The following ANO1 variants were observed in gnomAD, a reference collection of about 807,000 sequenced individuals.
ANO1 encodes anoctamin-1.
In ANO1, 59 loss-of-function variants were observed where a neutral mutation model predicts 124.0. The observed-to-expected ratio is 0.48, with a 90% CI of 0.39 to 0.59. The LOEUF (loss-of-function observed/expected upper bound fraction) is 0.59. Ranked by LOEUF, ANO1 falls within the 20% of genes least tolerant of loss-of-function variation. The pLI is 0.00. For synonymous variants in ANO1, 529 were observed against 532.0 expected (o/e 0.99, Z 0.08); for missense variants, 1,059 against 1,328.0 (o/e 0.80, Z 3.15).
At chr11:70,089,627 G>A (rs1316350369) in intron 2 of ANO1, among the ~76,000 whole-genome samples, 2 of 152,144 alleles carry the variant, frequency 1.3e-5, no homozygotes, top group Admixed American at 6.5e-5. Flanking sequence ...GGGCAGGTGA[G>A]GAGCCTTACA....
At position 70,188,293 on chromosome 11, in the gene ANO1, G is replaced by T. The variant is rs1437713317; in HGVS notation, c.*289G>T. On this transcript the variant is annotated 3_prime_UTR_variant, in exon 26 of 26. Coordinates refer to ENST00000355303, the MANE Select transcript of ANO1 (RefSeq NM_018043.7). The stretch of plus-strand genomic sequence containing the variant: ...AGGTAGCAAAGGCAGGTGCTTTGCA[G>T]AAAGAATGCTTGGAAACTTGAGTCT... The T allele has an allele frequency of 4.3e-6, 2 of 462,336 alleles. No individual in the cohort carries two copies. Among genetic ancestry groups the T allele is most frequent in the East Asian group, 7.8e-5 (2 of 25,728 alleles). 28.6% of individuals were successfully genotyped at this position (462,336 alleles called of 1,614,324 possible).
intron 1 of ANO1, among the ~76,000 whole-genome samples, chr11:70,042,603 T>C (rs1186793978): frequency 3.3e-5 from 5 of 152,098 alleles, no homozygotes; most frequent in African/African-American, 1.2e-4. Context: ...AGTCTTTGGC[T>C]GAGTACTAAT....
chr11:70,091,872 G>A (rs1269605735), intron 2 of ANO1, among the ~76,000 whole-genome samples: 1 of 152,206 alleles, frequency 6.6e-6, no homozygotes, highest in African/African-American at 2.4e-5. Context: ...GACATCTTGT[G>A]ACAACCTGGC....
At chr11:69,970,871 A>T in the ANO1 span, among the ~76,000 whole-genome samples, 1 of 152,128 alleles carries the variant, frequency 6.6e-6, no homozygotes, top group Non-Finnish European at 1.5e-5. Flanking sequence ...GTGGCCCAAG[A>T]TGGCTGCTTG....
At chr11:70,175,091 G>T (rs187987756) in intron 22 of ANO1, among the ~76,000 whole-genome samples, 1 of 151,746 alleles carries the variant, frequency 6.6e-6, no homozygotes, top group African/African-American at 2.4e-5. Context: ...GCTGTCCCCA[G>T]ACAGTGGCTG....
In ANO1 at chr11:70,020,191, T is replaced by C. The variant is rs924152803; in HGVS notation, c.58+34025T>C. Among the ~76,000 whole-genome samples the C allele has an allele frequency of 5.3e-5, 8 of 152,178 alleles. No individual in the cohort carries two copies. In the East Asian group the frequency reaches 5.8e-4, roughly 11 times the overall value. On this transcript the variant is annotated intron_variant, in intron 1 of 27. Coordinates refer to the ANO1 transcript ENST00000531349. Reference sequence around the variant, plus strand: ...CCATGGGGTAATGAAAACATCCAAATTGGACCCCATGAGCACATGTGTCTG... The same window carrying C: ...CCATGGGGTAATGAAAACATCCAAACTGGACCCCATGAGCACATGTGTCTG...
At chr11:70,014,432 C>T (rs182744102) in intron 1 of ANO1, among the ~76,000 whole-genome samples, 3 of 152,254 alleles carry the variant, frequency 2.0e-5, no homozygotes, top group Admixed American at 2.0e-4. Context: ...ACTCCTTTCC[C>T]GCAAGCCCTC....
intron 1 of ANO1, among the ~76,000 whole-genome samples, chr11:69,986,497 C>G (rs1273009337): frequency 2.0e-5 from 3 of 152,146 alleles, no homozygotes; most frequent in Non-Finnish European, 2.9e-5. Context: ...TAGGCCGGCC[C>G]AGGCTGTTCC....
intron 22 of ANO1, among the ~76,000 whole-genome samples, chr11:70,178,090 C>T (rs1360313451): frequency 6.6e-6 from 1 of 152,146 alleles, no homozygotes; most frequent in African/African-American, 2.4e-5. Context: ...CAAACATTTA[C>T]CCAGCAGCAC....
chr11:69,995,289 G>A (rs1404564098), intron 1 of ANO1, among the ~76,000 whole-genome samples: 1 of 151,850 alleles, frequency 6.6e-6, no homozygotes, highest in Non-Finnish European at 1.5e-5. Context: ...AGTAGAGATG[G>A]GCTTTCACCA....
the ANO1 span, among the ~76,000 whole-genome samples, chr11:69,977,662 G>A: frequency 5.2e-3 from 789 of 152,338 alleles, 7 homozygotes; most frequent in African/African-American, 0.018. Context: ...TCCCTGCCAG[G>A]GTGGCCTGGG....
chr11:70,125,948 A>C, intron 9 of ANO1, 113 bp from the exon 10 acceptor site: 1 of 1,329,250 alleles, frequency 7.5e-7, no homozygotes, highest in Non-Finnish European at 1.0e-6. Context: ...TTCTGGGATG[A>C]GGGAACCAGT....
chr11:70,072,799 G>T (rs1015002513), intron 1 of ANO1: 1 of 152,330 alleles, frequency 6.6e-6, no homozygotes, highest in South Asian at 2.1e-4. Flanking sequence ...CTCTCATGGG[G>T]TTCTTGTACT....
At chr11:70,016,010 C>A (rs1294776053) in intron 1 of ANO1, among the ~76,000 whole-genome samples, 3 of 146,896 alleles carry the variant, frequency 2.0e-5, no homozygotes, top group African/African-American at 7.5e-5. Flanking sequence ...CTTGGGATTT[C>A]TTTTCCTTTC....
chr11:70,007,942 T>C (rs1378401636), intron 1 of ANO1, among the ~76,000 whole-genome samples: 1 of 152,246 alleles, frequency 6.6e-6, no homozygotes, highest in African/African-American at 2.4e-5. Context: ...CTTTTTTTAA[T>C]AGCGGCCATC....
intron 1 of ANO1, among the ~76,000 whole-genome samples, chr11:69,988,720 G>T (rs1856094890): frequency 6.6e-6 from 1 of 152,192 alleles, no homozygotes; most frequent in Non-Finnish European, 1.5e-5. Flanking sequence ...TTATACGCTT[G>T]TGGTCTGAAC....
Position 70,149,789 on chromosome 11 carries a change from A to G in ANO1, c.1338A>G (p.Glu446=), listed in dbSNP as rs2135626221. The change falls in exon 12 of 26, where the codon GAA becomes GAG. Residue 446 remains glutamate, a synonymous_variant. Coordinates refer to ENST00000355303, the MANE Select transcript of ANO1 (RefSeq NM_018043.7). The part of the protein sequence containing the change: ...YRWDLTGFEE[E]EEAVKDHPRA... The stretch of plus-strand genomic sequence containing the variant: ...GGGACCTCACGGGCTTTGAAGAGGA[A>G]GAGGTCAGTGGGTTTGCCGCCGTGC... 6.2e-7 allele frequency: 1 copy of G among 1,613,614 alleles called. No individual in the cohort carries two copies. The highest frequency in any genetic ancestry group is 8.5e-7 in the Non-Finnish European group (1 of 1,179,756).
intron 11 of ANO1, among the ~76,000 whole-genome samples, chr11:70,143,191 G>A (rs775597935): frequency 6.6e-6 from 1 of 152,184 alleles, no homozygotes; most frequent in Non-Finnish European, 1.5e-5. Context: ...CCCGTGAGGA[G>A]CATGGATCTC....
At chr11:70,170,078 G>A (rs907672126) in intron 21 of ANO1, 5 of 448,166 alleles carry the variant, frequency 1.1e-5, no homozygotes, top group Admixed American at 2.4e-5. Flanking sequence ...GGGCAGAGGC[G>A]AGGGACTGTC....
Sources: allele counts gnomAD v4.1 joint callset (sites outside exome capture counted in the v4.1 genomes callset), GRCh38; gene constraint gnomAD v4.1.1; transcripts MANE v1.5; gene names NCBI Gene and HGNC (gene_info 2026-07-23, HGNC 2026-07-21).